PDE10A: variants seen among roughly 807,000 people sequenced by gnomAD.
The protein encoded by PDE10A is phosphodiesterase 10A.
A neutral mutation model predicts 97.7 loss-of-function variants in PDE10A; 39 were observed. That is an observed-to-expected ratio of 0.40 (90% CI 0.31 to 0.52). The LOEUF (loss-of-function observed/expected upper bound fraction) is 0.52, where lower values mean the gene tolerates loss of function less well. Among genes scored for constraint, PDE10A ranks in the 20% least tolerant of loss-of-function variants. PDE10A has a pLI of 0.56. For missense variants in PDE10A, 731 were observed against 1,047.8 expected (o/e 0.70, Z 4.17); for synonymous variants, 371 against 376.8 (o/e 0.98, Z 0.18).
intron 2 of PDE10A, among the ~76,000 whole-genome samples, chr6:165,508,503 T>A (rs1781329935): frequency 6.6e-6 from 1 of 151,938 alleles, no homozygotes; most frequent in Non-Finnish European, 1.5e-5. Context: ...CCTGTATGAG[T>A]TTTTTGCAAC....
At chr6:165,493,625 T>G (rs1314219566) in intron 2 of PDE10A, among the ~76,000 whole-genome samples, 1 of 151,356 alleles carries the variant, frequency 6.6e-6, no homozygotes, top group African/African-American at 2.4e-5. Flanking sequence ...GGGATAATTG[T>G]AGAAGAATGA....
chr6:165,556,796 G>A (rs1336052868), intron 1 of PDE10A, among the ~76,000 whole-genome samples: 1 of 151,956 alleles, frequency 6.6e-6, no homozygotes, highest in East Asian at 1.9e-4. Context: ...TAAAATCTAT[G>A]ACTGTCTACT....
Position 165,621,771 on chromosome 6 carries a change from A to G in PDE10A, c.865+40176T>C, listed in dbSNP as rs533233033. On this transcript the variant is annotated intron_variant, in intron 1 of 21. Transcript: ENST00000539869. ...GACTCTTATCTAAAAAAGAAAAAAA[A>G]AAGAAGAAGAAGAAGAAACACAGGA... Among the ~76,000 whole-genome samples, 159 of 134,790 alleles carry G rather than the reference A, an allele frequency of 1.2e-3. 2 individuals are homozygous for G. Among genetic ancestry groups the G allele is most frequent in the Non-Finnish European group, 2.7e-4 (16 of 60,214 alleles). The allele number at this position is 134,790 out of a possible 152,430, so 88.4% of individuals were successfully genotyped here.
intron 1 of PDE10A, among the ~76,000 whole-genome samples, chr6:165,740,865 G>A (rs1792704198): frequency 6.6e-6 from 1 of 152,116 alleles, no homozygotes; most frequent in South Asian, 2.1e-4. Context: ...GGATTGCTAG[G>A]GGCTGGAGGA....
chr6:165,467,610 C>G (rs1260235773), intron 3 of PDE10A, among the ~76,000 whole-genome samples: 1 of 152,208 alleles, frequency 6.6e-6, no homozygotes, highest in Non-Finnish European at 1.5e-5. Context: ...TTTAAGCCCA[C>G]TGTTGAAAGC....
chr6:165,911,581 G>A (rs1477040270), intron 1 of PDE10A, among the ~76,000 whole-genome samples: 2 of 152,186 alleles, frequency 1.3e-5, no homozygotes, highest in East Asian at 1.9e-4. Context: ...CTAAAACAGA[G>A]AAGGATAAGC....
intron 2 of PDE10A, among the ~76,000 whole-genome samples, chr6:165,501,544 G>T (rs1780889306): frequency 6.6e-6 from 1 of 151,214 alleles, no homozygotes; most frequent in Non-Finnish European, 1.5e-5. Context: ...CTGCACTCCA[G>T]CCTGGATGAA....
At chr6:165,720,801 A>G (rs1183420459) in intron 1 of PDE10A, among the ~76,000 whole-genome samples, 1 of 152,220 alleles carries the variant, frequency 6.6e-6, no homozygotes, top group Admixed American at 6.5e-5. Context: ...TAGGATGATC[A>G]GACAAAGACC....
intron 1 of PDE10A, among the ~76,000 whole-genome samples, chr6:165,891,291 C>T (rs753177501): frequency 9.9e-5 from 15 of 152,202 alleles, no homozygotes; most frequent in Non-Finnish European, 1.6e-4. Context: ...GTTCATGTAA[C>T]TGATAAGCTT....
intron 1 of PDE10A, among the ~76,000 whole-genome samples, chr6:165,980,784 T>C (rs1424588417): frequency 6.6e-6 from 1 of 152,210 alleles, no homozygotes; most frequent in Non-Finnish European, 1.5e-5. Context: ...ATATGATACA[T>C]GCAATATATA....
chr6:165,445,137 T>C (rs1462401929), intron 5 of PDE10A, among the ~76,000 whole-genome samples: 1 of 152,240 alleles, frequency 6.6e-6, no homozygotes. Flanking sequence ...TCTGCTTACC[T>C]GTGCAAAAGA....
intron 1 of PDE10A, among the ~76,000 whole-genome samples, chr6:165,849,149 G>T (rs1196141718): frequency 6.6e-6 from 1 of 152,004 alleles, no homozygotes; most frequent in Non-Finnish European, 1.5e-5. Flanking sequence ...TTATTTTATT[G>T]TTATTGCTCC....
At chr6:165,623,718 C>T (rs905904794) in intron 1 of PDE10A, among the ~76,000 whole-genome samples, 2 of 152,016 alleles carry the variant, frequency 1.3e-5, no homozygotes, top group African/African-American at 4.8e-5. Context: ...TGGGCTTTCC[C>T]TCCCCTCCTC....
intron 2 of PDE10A, among the ~76,000 whole-genome samples, chr6:165,529,826 T>C (rs1782667360): frequency 6.6e-6 from 1 of 152,206 alleles, no homozygotes; most frequent in Non-Finnish European, 1.5e-5. Context: ...TATTTGAACA[T>C]TGCCTATGAT....
intron 1 of PDE10A, among the ~76,000 whole-genome samples, chr6:165,558,817 A>G (rs1784384508): frequency 6.6e-6 from 1 of 152,206 alleles, no homozygotes; most frequent in Admixed American, 6.5e-5. Flanking sequence ...CAAAGTCGAT[A>G]AGGGTACAAT....
intron 1 of PDE10A, among the ~76,000 whole-genome samples, chr6:165,706,479 C>T (rs1791711973): frequency 6.6e-6 from 1 of 152,152 alleles, no homozygotes; most frequent in Non-Finnish European, 1.5e-5. Context: ...CAATAAAGTC[C>T]ATTTCTGATC....
At chr6:165,570,881 C>G (rs533508398) in intron 1 of PDE10A, among the ~76,000 whole-genome samples, 1 of 152,306 alleles carries the variant, frequency 6.6e-6, no homozygotes, top group Admixed American at 6.5e-5. Flanking sequence ...TTCCTACAAG[C>G]CTTTGGTGAC....
intron 1 of PDE10A, among the ~76,000 whole-genome samples, chr6:165,622,948 G>A (rs1182096073): frequency 6.6e-6 from 1 of 152,032 alleles, no homozygotes; most frequent in Non-Finnish European, 1.5e-5. Flanking sequence ...ATTTAAAAGT[G>A]TGTGGCTCCT....
chr6:165,630,962 C>G (rs955893990), intron 1 of PDE10A, among the ~76,000 whole-genome samples: 5 of 152,156 alleles, frequency 3.3e-5, no homozygotes, highest in African/African-American at 1.2e-4. Context: ...GGCTTTCCTG[C>G]AAATCAGCCC....
Sources: gnomAD v4.1 joint callset for allele counts (sites outside exome capture counted in the v4.1 genomes callset) on GRCh38, gnomAD v4.1.1 for gene constraint, MANE v1.5 for transcripts, NCBI Gene and HGNC (gene_info 2026-07-23, HGNC 2026-07-21) for gene names.